Variants in ABCG2 observed in about 807,000 individuals in gnomAD.
ABCG2 encodes the protein broad substrate specificity ATP-binding cassette transporter ABCG2.
In ABCG2, 80 loss-of-function variants were observed where a neutral mutation model predicts 73.5. That is an observed-to-expected ratio of 1.09 (90% CI 0.91 to 1.31). The LOEUF (loss-of-function observed/expected upper bound fraction) is 1.31. Among genes scored for constraint, ABCG2 ranks in the 50% most tolerant of loss-of-function variants. The probability of loss-of-function intolerance (pLI) is 0.00; values close to 1 mark genes in which losing one functional copy is unlikely to be tolerated. For synonymous variants in ABCG2, 269 were observed against 282.4 expected (o/e 0.95, Z 0.48); for missense variants, 796 against 786.2 (o/e 1.01, Z -0.15).
At chr4:88,124,705 A>T (rs1029411646) in intron 5 of ABCG2, among the ~76,000 whole-genome samples, 4 of 152,170 alleles carry the variant, frequency 2.6e-5, no homozygotes, top group Admixed American at 1.3e-4. Context: ...CTCCCACACA[A>T]TAATAGTGGG....
chr4:88,187,365 C>T (rs945510658), intron 1 of ABCG2, among the ~76,000 whole-genome samples: 3 of 152,052 alleles, frequency 2.0e-5, no homozygotes, highest in African/African-American at 7.3e-5. Context: ...ATAATCCCAG[C>T]ACTTTGGGAG....
At chr4:88,140,141 ATG>A in intron 1 of ABCG2, 127 bp from the exon 2 acceptor site, 1 of 767,126 alleles carries the variant, frequency 1.3e-6, no homozygotes, top group Non-Finnish European at 2.1e-6. Context: ...TTTCCAATGA[ATG>A]GCCCATACCA....
intron 5 of ABCG2, among the ~76,000 whole-genome samples, chr4:88,123,056 G>A (rs1223031305): frequency 6.6e-6 from 1 of 152,174 alleles, no homozygotes. Context: ...TGGACCTGCA[G>A]CAAACTCCAG....
chr4:88,143,832 T>C (rs1414027744), intron 1 of ABCG2, among the ~76,000 whole-genome samples: 2 of 152,040 alleles, frequency 1.3e-5, no homozygotes, highest in South Asian at 2.1e-4. Context: ...AACACCAATA[T>C]GGAGCAATAC....
chr4:88,207,659 C>T (rs1446196575), intron 1 of ABCG2, among the ~76,000 whole-genome samples: 1 of 152,154 alleles, frequency 6.6e-6, no homozygotes, highest in Non-Finnish European at 1.5e-5. Context: ...GTCCTCCTGC[C>T]TCAGCCTCTC....
intron 5 of ABCG2, among the ~76,000 whole-genome samples, chr4:88,126,365 C>T (rs1724406960): frequency 1.3e-5 from 2 of 152,214 alleles, no homozygotes; most frequent in Admixed American, 1.3e-4. Flanking sequence ...GGAGCTGGTA[C>T]CATTCCTTCT....
upstream of ABCG2, chr4:88,158,883 G>C: frequency 1.5e-5 from 5 of 336,296 alleles, 1 homozygote; most frequent in South Asian, 1.1e-4. Flanking sequence ...GCCGCGCTTC[G>C]GGCTGTGGAC....
At chr4:88,153,074 C>T (rs987233487) in intron 1 of ABCG2, among the ~76,000 whole-genome samples, 12 of 152,160 alleles carry the variant, frequency 7.9e-5, no homozygotes, top group Admixed American at 2.0e-4. Flanking sequence ...CCAGGACATC[C>T]AATTAGAGAG....
chr4:88,115,080 A>G, intron 7 of ABCG2, 22 bp from the exon 8 acceptor site: 1 of 1,531,392 alleles, frequency 6.5e-7, no homozygotes, highest in Non-Finnish European at 9.0e-7. Flanking sequence ...GGCAGCTCAA[A>G]AACACAAACT....
intron 1 of ABCG2, among the ~76,000 whole-genome samples, chr4:88,192,526 T>G (rs947847894): frequency 6.6e-5 from 10 of 151,586 alleles, no homozygotes; most frequent in African/African-American, 2.2e-4. Flanking sequence ...TTCAAGTGAT[T>G]CTCCTGCCTC....
Position 88,175,847 on chromosome 4 carries a change from T to C in ABCG2, c.-19-35833A>G, listed in dbSNP as rs555520888. Among the ~76,000 whole-genome samples, 4 of 152,340 alleles carry C rather than the reference T, an allele frequency of 2.6e-5. No homozygotes were observed. The East Asian group carries it at 7.7e-4, about 29-fold the overall frequency. On this transcript the variant is annotated intron_variant, in intron 1 of 15. Coordinates refer to the ABCG2 transcript ENST00000515655. ...TGATGCCTTTGAGTGAGAAATAGCA[T>C]TTAGGAAGCATAATTTGTATTCTTC...
chr4:88,139,646 C>T lies in ABCG2; in HGVS notation c.203+147G>A, dbSNP rs45529033. 686 of 670,926 alleles carry T rather than the reference C, an allele frequency of 1.0e-3. 8 individuals are homozygous for T. The African/African-American group carries it at 0.011, about 11-fold the overall frequency. The allele number at this position is 670,926 out of a possible 1,614,324, so 41.6% of individuals were successfully genotyped here. On this transcript the variant is annotated intron_variant, in intron 2 of 15. Coordinates refer to ENST00000237612, the MANE Select transcript of ABCG2 (RefSeq NM_004827.3). ...CCCAGTTATTTCACTCCTAGTTTAG[C>T]TAAAACAAATGAAAGCATGTGTCTG...
chr4:88,092,452 G>A lies in ABCG2; in HGVS notation c.1821-71C>T, dbSNP rs1721700540. ...TCAAATGTTACTCAGTATATCCACT[G>A]TTCCTTAAAGGAGCCTAAAATTGAA... On this transcript the variant is annotated intron_variant, in intron 15 of 15. Transcript: ENST00000237612. The A allele has an allele frequency of 6.0e-6, 9 of 1,491,358 alleles. No homozygotes were observed. The South Asian group carries it at 9.5e-5, about 16-fold the overall frequency. 92.4% of individuals were successfully genotyped at this position (1,491,358 alleles called of 1,614,324 possible).
Position 88,090,647 on chromosome 4 carries a change from C to A in ABCG2, c.*1587G>T, listed in dbSNP as rs1463333839. 1.3e-5 allele frequency: 2 copies of A among 152,178 alleles called. No individual in the cohort carries two copies. Among genetic ancestry groups the A allele is most frequent in the Non-Finnish European group, 1.5e-5 (1 of 68,028 alleles). The allele number at this position is 152,178 out of a possible 1,614,324, so 9.4% of individuals were successfully genotyped here. ...AATTCCAAGATGACCAGTGTCAGGGCGTCTATACACCATGATGCCCCAGCT... is the reference window on the plus strand; with the variant it reads ...AATTCCAAGATGACCAGTGTCAGGGAGTCTATACACCATGATGCCCCAGCT... On this transcript the variant is annotated 3_prime_UTR_variant, in exon 16 of 16. Coordinates refer to ENST00000237612, the MANE Select transcript of ABCG2 (RefSeq NM_004827.3).
chr4:88,104,506 C>T (rs1454762516), intron 10 of ABCG2, among the ~76,000 whole-genome samples: 11 of 151,956 alleles, frequency 7.2e-5, no homozygotes, highest in African/African-American at 9.7e-5. Flanking sequence ...CTGGGGTCAA[C>T]GAGAAGCAGT....
At chr4:88,095,462 G>A in intron 14 of ABCG2, 58 bp downstream of exon 14, 2 of 1,468,542 alleles carry the variant, frequency 1.4e-6, no homozygotes, top group South Asian at 1.1e-5. Flanking sequence ...GAGGACACTT[G>A]ATTTCCATTG....
chr4:88,160,058 C>G (rs1319459516), upstream of ABCG2, among the ~76,000 whole-genome samples: 1 of 152,034 alleles, frequency 6.6e-6, no homozygotes, highest in East Asian at 1.9e-4. Flanking sequence ...GCCTGGCCAA[C>G]ATGGTGAAAC....
intron 1 of ABCG2, among the ~76,000 whole-genome samples, chr4:88,223,481 C>A (rs1400768600): frequency 6.6e-6 from 1 of 152,164 alleles, no homozygotes; most frequent in Non-Finnish European, 1.5e-5. Context: ...TCCACCCCCT[C>A]ACTCTGCACT....
At chr4:88,158,792 A>T, upstream of ABCG2, 2 of 343,994 alleles carry the variant, frequency 5.8e-6, no homozygotes, top group Non-Finnish European at 1.1e-5. Context: ...GGAGGTCACG[A>T]TGGGAGCCGG....
Sources: allele counts gnomAD v4.1 joint callset (sites outside exome capture counted in the v4.1 genomes callset), GRCh38; gene constraint gnomAD v4.1.1; transcripts MANE v1.5; gene names NCBI Gene and HGNC (gene_info 2026-07-23, HGNC 2026-07-21).